The following TSC1 variants were observed in gnomAD, a reference collection of about 807,000 sequenced individuals.
TSC1 encodes hamartin.
A neutral mutation model predicts 124.3 loss-of-function variants in TSC1; 20 were observed. The observed-to-expected ratio is 0.16, with a 90% CI of 0.11 to 0.23. The LOEUF (loss-of-function observed/expected upper bound fraction) is 0.23, where lower values mean the gene tolerates loss of function less well. Ranked by LOEUF, TSC1 falls within the 10% of genes least tolerant of loss-of-function variation. TSC1 has a pLI of 1.00. For missense variants in TSC1, 1,124 were observed against 1,448.5 expected, an observed-to-expected ratio of 0.78 and a Z score of 3.64; for synonymous variants, 493 against 539.1, an observed-to-expected ratio of 0.91 and a Z score of 1.19.
At chr9:132,934,571 G>GT (rs969294741) in intron 2 of TSC1, 6 of 152,812 alleles carry the variant, frequency 3.9e-5, no homozygotes, top group African/African-American at 1.4e-4. Flanking sequence ...ATCACATTTG[G>GT]TTTGTTTTTA....
At chr9:132,907,426 G>A (rs1004618974) in intron 12 of TSC1, 56 bp from the exon 13 acceptor site, 15 of 1,390,606 alleles carry the variant, frequency 1.1e-5, no homozygotes, top group East Asian at 2.3e-5. Flanking sequence ...ACATGTTCTC[G>A]AGCATATTGT....
intron 8 of TSC1, among the ~76,000 whole-genome samples, chr9:132,914,843 T>A (rs1846182932): frequency 6.6e-6 from 1 of 151,508 alleles, no homozygotes; most frequent in African/African-American, 2.4e-5. Context: ...CACTCCAGCC[T>A]GAGCTACAGG....
chr9:132,898,827 C>G (rs1845221287), intron 20 of TSC1, among the ~76,000 whole-genome samples: 1 of 152,230 alleles, frequency 6.6e-6, no homozygotes, highest in African/African-American at 2.4e-5. Flanking sequence ...CAAATCCTGA[C>G]TGGGTTGAGG....
Position 132,923,629 on chromosome 9 carries a change from C to G in TSC1, c.364-137G>C. ...TGACTCACGTACTCATTTCCCTATC[C>G]CTAAGGATTACTGAAGGGATAACAT... On this transcript the variant is annotated intron_variant, in intron 5 of 22. Transcript: ENST00000298552. The surrounding 1 kb of genome is among the most constrained non-coding windows in gnomAD (Gnocchi z 4.2). The G allele has an allele frequency of 1.6e-6, 2 of 1,218,104 alleles. No homozygotes were observed. The highest frequency in any genetic ancestry group is 2.4e-6 in the Non-Finnish European group (2 of 846,026). The allele number at this position is 1,218,104 out of a possible 1,614,324, so 75.5% of individuals were successfully genotyped here. A position where few individuals can be genotyped will look rare whatever the true frequency, so the allele number is the denominator to read the frequency against.
At position 132,896,585 on chromosome 9, in the gene TSC1, C is replaced by T. The variant is rs2131606131; in HGVS notation, c.3145G>A (p.Glu1049Lys). The change falls in exon 23 of 23, where the codon GAG (glutamate) becomes AAG (lysine). Residue 1049 changes from glutamate to lysine, a missense_variant. By Grantham distance (56) the Glu-to-Lys change is moderately conservative (BLOSUM62 1). This residue lies in a region of TSC1 where 325 missense variants were observed against 383.4 expected (regional missense o/e 0.85). Coordinates refer to ENST00000298552, the MANE Select transcript of TSC1 (RefSeq NM_000368.5). The surrounding 1 kb of genome is among the most constrained non-coding windows in gnomAD (Gnocchi z 4.5). ...CCTGCCCTCTGGTGTGGGGGTTTCTCTGGGGTAGAAAGCTCGCTGCTGCTG... is the reference window on the plus strand; with the variant it reads ...CCTGCCCTCTGGTGTGGGGGTTTCTTTGGGGTAGAAAGCTCGCTGCTGCTG... ...SSSSSELSTP[E>K]KPPHQRAGPF... 6.2e-7 allele frequency: 1 copy of T among 1,614,022 alleles called. No homozygotes were observed. The highest frequency in any genetic ancestry group is 8.5e-7 in the Non-Finnish European group (1 of 1,179,902).
chr9:132,903,029 C>G lies in TSC1; in HGVS notation c.2209-242G>C, dbSNP rs544483285. Among the ~76,000 whole-genome samples, 21 of 152,246 alleles carry G rather than the reference C, an allele frequency of 1.4e-4. No individual in the cohort carries two copies. The highest frequency in any genetic ancestry group is 2.6e-4 in the Non-Finnish European group (18 of 68,024). On this transcript the variant is annotated intron_variant, in intron 17 of 22. Transcript: ENST00000298552. The surrounding 1 kb of genome is among the most constrained non-coding windows in gnomAD (Gnocchi z 5.9). ...ATCTTCTCAGGGATCAGTTTGCTTC[C>G]AATACTTTCAAAAGTCTGACTACCA... is the stretch of plus-strand genomic sequence containing the variant.
intron 4 of TSC1, chr9:132,926,158 A>G (rs1451156065): frequency 4.4e-6 from 1 of 224,794 alleles, no homozygotes; most frequent in Middle Eastern, 1.7e-3. Flanking sequence ...ATTTCAGACC[A>G]GAGTAAACAA....
chr9:132,900,313 G>C, intron 20 of TSC1: 1 of 263,290 alleles, frequency 3.8e-6, no homozygotes, highest in Non-Finnish European at 7.4e-6. Flanking sequence ...ACCATCTGCA[G>C]AAATCCAACA....
rs768443391 is a variant in TSC1 at position 132,896,618 on chromosome 9, T to A, written c.3112A>T (p.Ser1038Cys). 6.2e-7 allele frequency: 1 copy of A among 1,613,682 alleles called. No individual in the cohort carries two copies. Among genetic ancestry groups the A allele is most frequent in the Non-Finnish European group, 8.5e-7 (1 of 1,179,708 alleles). The change falls in exon 23 of 23, where the codon AGC becomes TGC. Residue 1038 changes from serine (S) to cysteine (C), a missense_variant. Physicochemically the swap from Ser to Cys is moderately radical, Grantham distance 112 (BLOSUM62 -1). Around this residue, in one of 5 missense-constraint regions of TSC1, gnomAD observed 325 missense variants for 383.4 expected, o/e 0.85. Transcript: ENST00000298552. The surrounding 1 kb of genome is among the most constrained non-coding windows in gnomAD (Gnocchi z 4.5). ...GSSGSRGGGG[S>C]SSSSSELSTP... ...GAAAGCTCGCTGCTGCTGCTGCTGCTGCCTCCACCACCTCTGCTTCCACTA... is the reference window on the plus strand; with the variant it reads ...GAAAGCTCGCTGCTGCTGCTGCTGCAGCCTCCACCACCTCTGCTTCCACTA...
At position 132,923,521 on chromosome 9, in the gene TSC1, GTC is replaced by G; in HGVS notation, c.364-31_364-30del. ...CAGGAGAAAAGGTCAAACAGGAAAC[GTC>G]TGTCAGGCACTGGCACCAGGATCGG... On this transcript the variant is annotated intron_variant, in intron 5 of 22. Transcript: ENST00000298552. The surrounding 1 kb of genome is among the most constrained non-coding windows in gnomAD (Gnocchi z 4.2). The G allele has an allele frequency of 6.2e-7, 1 of 1,613,926 alleles. No homozygotes were observed. Among genetic ancestry groups the G allele is most frequent in the Non-Finnish European group, 8.5e-7 (1 of 1,179,850 alleles).
chr9:132,922,224 C>T (rs1243679551), intron 6 of TSC1, among the ~76,000 whole-genome samples: 1 of 152,232 alleles, frequency 6.6e-6, no homozygotes, highest in Non-Finnish European at 1.5e-5. Flanking sequence ...TCCATGAAGG[C>T]TCTTCCTGAT....
chr9:132,913,825 CAAAA>C (rs374309550), intron 8 of TSC1, among the ~76,000 whole-genome samples: 5 of 33,630 alleles, frequency 1.5e-4, no homozygotes, highest in East Asian at 1.0e-3. Flanking sequence ...GACTCCGTCT[CAAAA>C]AAAAAAAAAA....
chr9:132,900,764 T>C lies in TSC1; in HGVS notation c.2576A>G (p.Asn859Ser), dbSNP rs2131686192. ...NRQLLVLGEV[N>S]ELYLEQLQNK... ...CTGCAGTTGTTCCAAATAGAGCTCG[T>C]TGACCTCCCCAAGAACCAACAGCTG... is the stretch of plus-strand genomic sequence containing the variant. The change falls in exon 20 of 23, where the codon AAC becomes AGC. Residue 859 changes from asparagine (N) to serine (S), a missense_variant. Around this residue, in one of 5 missense-constraint regions of TSC1, gnomAD observed 325 missense variants for 383.4 expected, o/e 0.85. Transcript: ENST00000298552. 3 of 1,614,170 alleles carry C rather than the reference T, an allele frequency of 1.9e-6. No homozygotes were observed. Among genetic ancestry groups the C allele is most frequent in the Non-Finnish European group, 2.5e-6 (3 of 1,180,030 alleles).
At chr9:132,944,957 C>A (rs1204160895), upstream of TSC1, 2 of 197,768 alleles carry the variant, frequency 1.0e-5, no homozygotes, top group African/African-American at 4.7e-5. Context: ...GGTCACGTGA[C>A]TGGCGGGCGG....
rs550057647 is a variant in TSC1, at chr9:132,903,492, G to A, written c.2208+159C>T. On this transcript the variant is annotated intron_variant, in intron 17 of 22. Coordinates refer to ENST00000298552, the MANE Select transcript of TSC1 (RefSeq NM_000368.5). The surrounding 1 kb of genome is among the most constrained non-coding windows in gnomAD (Gnocchi z 5.9). ...TTTCTGAGAATTATGAGGGAATTCC[G>A]AGGTGTCACCATTCATGTCTTAATC... 2.4e-4 allele frequency among the ~76,000 whole-genome samples: 37 copies of A among 152,132 alleles called. No homozygotes were observed. The highest frequency in any genetic ancestry group is 7.2e-4 in the Admixed American group (11 of 15,280).
At chr9:132,920,524 T>C (rs975216746) in intron 8 of TSC1, among the ~76,000 whole-genome samples, 1 of 152,174 alleles carries the variant, frequency 6.6e-6, no homozygotes, top group Non-Finnish European at 1.5e-5. Flanking sequence ...TCTCTACATA[T>C]AATCTCACAA....
rs10901222 is a variant in TSC1 at position 132,907,581 on chromosome 9, C to T, written c.1264-211G>A. Reference sequence around the variant, plus strand: ...CTCGGCTCACTGCAACCTCCGCCTCCTGGGTTCAAGCGATTCTCCTGCCTC... The same window carrying T: ...CTCGGCTCACTGCAACCTCCGCCTCTTGGGTTCAAGCGATTCTCCTGCCTC... On this transcript the variant is annotated intron_variant, in intron 12 of 22. Transcript: ENST00000298552. Among the ~76,000 whole-genome samples, 14,146 of 152,230 alleles carry T rather than the reference C, an allele frequency of 0.093. 645 individuals carry two copies. Among genetic ancestry groups the T allele is most frequent in the African/African-American group, 0.11 (4,442 of 41,526 alleles).
rs1845053380 is a variant in TSC1 at position 132,896,472 on chromosome 9, G to A, written c.3258C>T (p.Ser1086=). The part of the protein sequence containing the change: ...TTVGSLPSSK[S]FLGMKARELF... Reference sequence around the variant, plus strand: ...ACTCTCGAGCCTTCATACCCAGGAAGCTTTTTGAACTGGGAAGTGAGCCCA... The same window carrying A: ...ACTCTCGAGCCTTCATACCCAGGAAACTTTTTGAACTGGGAAGTGAGCCCA... The change falls in exon 23 of 23, where the codon AGC becomes AGT. Residue 1086 remains serine, a synonymous_variant. Transcript: ENST00000298552. This position sits in a 1 kb window ranked among gnomAD's most constrained non-coding sequence, Gnocchi z 4.5. 1 of 1,614,210 alleles carries A rather than the reference G, an allele frequency of 6.2e-7. No homozygotes were observed. The highest frequency in any genetic ancestry group is 8.5e-7 in the Non-Finnish European group (1 of 1,180,042).
Position 132,903,929 on chromosome 9 carries a change from A to G in TSC1, c.2042-112T>C. On this transcript the variant is annotated intron_variant, in intron 16 of 22. Coordinates refer to ENST00000298552, the MANE Select transcript of TSC1 (RefSeq NM_000368.5). This position sits in a 1 kb window ranked among gnomAD's most constrained non-coding sequence, Gnocchi z 5.9. ...AAACACAATTCTTTAAAAACAAATC[A>G]CCACTCTCTTTGCAAATGACCACTT... 7.6e-7 allele frequency: 1 copy of G among 1,314,000 alleles called. No individual in the cohort carries two copies. 81.4% of individuals were successfully genotyped at this position (1,314,000 alleles called of 1,614,324 possible).
Sources: allele counts gnomAD v4.1 joint callset (sites outside exome capture counted in the v4.1 genomes callset), GRCh38; gene constraint gnomAD v4.1.1; regional missense constraint gnomAD v4.1.1; non-coding constraint Gnocchi (gnomAD v3.1); transcripts MANE v1.5; gene names NCBI Gene and HGNC (gene_info 2026-07-23, HGNC 2026-07-21).